Variants in POC1A observed in about 807,000 individuals in gnomAD.
POC1A encodes POC1 centriolar protein homolog A.
A neutral mutation model predicts 47.8 loss-of-function variants in POC1A; 34 were observed. The observed-to-expected ratio is 0.71, with a 90% CI of 0.54 to 0.95. The LOEUF is 0.95. Among genes scored for constraint, POC1A ranks in the 40% least tolerant of loss-of-function variants. POC1A has a pLI of 0.00. For synonymous variants in POC1A, 177 were observed against 207.6 expected, an observed-to-expected ratio of 0.85 and a Z score of 1.27; for missense variants, 466 against 528.3, an observed-to-expected ratio of 0.88 and a Z score of 1.16.
chr3:52,079,906 C>G lies in POC1A; in HGVS notation c.1126-3921G>C, dbSNP rs1702229568. On this transcript the variant is annotated intron_variant, in intron 10 of 10. Coordinates refer to ENST00000296484, the MANE Select transcript of POC1A (RefSeq NM_015426.5). The surrounding 1 kb of genome is among the most constrained non-coding windows in gnomAD (Gnocchi z 4.6). ...TCATTCCCTTTCCTTGGACCTGGTG[C>G]TACCCTGGGAACATTCTTAAGTCCT... 6.6e-6 allele frequency among the ~76,000 whole-genome samples: 1 copy of G among 152,168 alleles called. No individual in the cohort carries two copies. Among genetic ancestry groups the G allele is most frequent in the Non-Finnish European group, 1.5e-5 (1 of 68,024 alleles).
intron 9 of POC1A, among the ~76,000 whole-genome samples, chr3:52,118,168 C>T (rs1219254484): frequency 1.3e-5 from 2 of 152,184 alleles, no homozygotes; most frequent in African/African-American, 4.8e-5. Flanking sequence ...CTCTTCCAAC[C>T]TTCCCCCAGC....
intron 9 of POC1A, among the ~76,000 whole-genome samples, chr3:52,101,919 TG>T (rs1320731070): frequency 6.6e-6 from 1 of 152,252 alleles, no homozygotes; most frequent in Non-Finnish European, 1.5e-5. Context: ...AACTTTGGGT[TG>T]GCAGTTTTTC....
chr3:52,125,216 G>A, intron 7 of POC1A, 35 bp from the exon 8 acceptor site: 5 of 1,517,956 alleles, frequency 3.3e-6, no homozygotes, highest in Middle Eastern at 1.7e-4. Flanking sequence ...ACACATCAAA[G>A]GTCATTCTCC....
intron 10 of POC1A, among the ~76,000 whole-genome samples, chr3:52,082,353 G>A (rs1438719735): frequency 6.6e-6 from 1 of 152,186 alleles, no homozygotes; most frequent in Admixed American, 6.5e-5. Flanking sequence ...GCCCAACCCA[G>A]GTGACCCAAC....
chr3:52,150,065 G>A (rs1698508407), intron 2 of POC1A, 78 bp from the exon 3 acceptor site: 1 of 1,266,046 alleles, frequency 7.9e-7, no homozygotes, highest in South Asian at 1.3e-5. Context: ...AGAGGCAGGG[G>A]GAGCAACTGG....
At chr3:52,144,815 A>AC (rs1698312917) in intron 6 of POC1A, among the ~76,000 whole-genome samples, 1 of 152,110 alleles carries the variant, frequency 6.6e-6, no homozygotes, top group African/African-American at 2.4e-5. Flanking sequence ...CACCTCTGTT[A>AC]CCCCAAAGAA....
chr3:52,094,381 G>A (rs1342626955), intron 10 of POC1A, among the ~76,000 whole-genome samples: 2 of 152,256 alleles, frequency 1.3e-5, no homozygotes, highest in African/African-American at 4.8e-5. Context: ...CATCCAGAGC[G>A]GGGCCTGCTG....
Position 52,149,205 on chromosome 3 carries a change from C to T in POC1A, c.455+5G>A, listed in dbSNP as rs768879950. ...CCAAGGGTCTCCAGACAGAACAATG[C>T]TCACTTGGCACAGCGGACCCAGTTG... is the stretch of plus-strand genomic sequence containing the variant. On this transcript the variant is annotated splice_donor_5th_base_variant and intron_variant, in intron 4 of 10. Coordinates refer to ENST00000296484, the MANE Select transcript of POC1A (RefSeq NM_015426.5). 7 of 1,613,782 alleles carry T rather than the reference C, an allele frequency of 4.3e-6. No individual in the cohort carries two copies. The highest frequency in any genetic ancestry group is 1.7e-5 in the Admixed American group (1 of 60,008).
At chr3:52,135,470 G>C (rs1056942975) in intron 7 of POC1A, among the ~76,000 whole-genome samples, 4 of 152,156 alleles carry the variant, frequency 2.6e-5, no homozygotes, top group Non-Finnish European at 5.9e-5. Flanking sequence ...TGCAGCCCCA[G>C]CTTCCCAGGC....
intron 10 of POC1A, among the ~76,000 whole-genome samples, chr3:52,083,551 C>T (rs886529498): frequency 1.1e-4 from 17 of 152,178 alleles, no homozygotes; most frequent in African/African-American, 4.1e-4. Context: ...TTCTCCCTGG[C>T]CTGGTTTTCT....
intron 9 of POC1A, among the ~76,000 whole-genome samples, chr3:52,120,003 C>T (rs1233924804): frequency 1.3e-5 from 2 of 152,140 alleles, no homozygotes; most frequent in Non-Finnish European, 2.9e-5. Context: ...AGCCATAGAA[C>T]CAGTCCCCAG....
intron 1 of POC1A, among the ~76,000 whole-genome samples, chr3:52,151,865 A>T (rs1322263333): frequency 6.6e-6 from 1 of 151,870 alleles, no homozygotes; most frequent in East Asian, 1.9e-4. Context: ...TGCTCCCAAG[A>T]TTCACATGAA....
chr3:52,151,542 C>T (rs537723101), intron 1 of POC1A, among the ~76,000 whole-genome samples: 6 of 146,704 alleles, frequency 4.1e-5, no homozygotes, highest in African/African-American at 1.5e-4. Flanking sequence ...ACCCAGGAGG[C>T]GGAGCTTGCA....
intron 10 of POC1A, among the ~76,000 whole-genome samples, chr3:52,093,570 A>G (rs1159046115): frequency 2.6e-5 from 4 of 152,246 alleles, no homozygotes; most frequent in African/African-American, 7.2e-5. Flanking sequence ...CAAGAGGCCT[A>G]TGAAGTGGGT....
At chr3:52,145,005 A>T (rs964873991) in intron 6 of POC1A, among the ~76,000 whole-genome samples, 2 of 151,838 alleles carry the variant, frequency 1.3e-5, no homozygotes, top group Non-Finnish European at 2.9e-5. Context: ...TCTTCAAACA[A>T]CTCCAGCTCT....
In POC1A at chr3:52,149,895, A is replaced by G; in HGVS notation, c.196T>C (p.Cys66Arg). ...RFTGHKDAVT[C>R]VNFSPSGHLL... is the part of the protein sequence containing the mutation. ...TGTCCCGAAGGAGAGAAGTTCACACAGGTGACGGCATCCTTGTGGCCAGTG... is the reference window on the plus strand; with the variant it reads ...TGTCCCGAAGGAGAGAAGTTCACACGGGTGACGGCATCCTTGTGGCCAGTG... The change falls in exon 3 of 11, where the codon TGT (cysteine) becomes CGT (arginine). Residue 66 changes from cysteine (C) to arginine (R), a missense_variant. Physicochemically the swap from Cys to Arg is radical, Grantham distance 180 (BLOSUM62 -3). Transcript: ENST00000296484. The G allele has an allele frequency of 6.2e-7, 1 of 1,613,952 alleles. No homozygotes were observed.
chr3:52,138,538 G>A (rs145962269), intron 6 of POC1A, among the ~76,000 whole-genome samples: 3 of 152,280 alleles, frequency 2.0e-5, no homozygotes, highest in Middle Eastern at 3.4e-3. Context: ...GAAGACAGGC[G>A]GACAGAAACA....
rs986011833 is a variant in POC1A at position 52,149,912 on chromosome 3, T to C, written c.179A>G (p.His60Arg). Residue 60 changes from histidine (H) to arginine (R), a missense_variant, in exon 3 of 11, where the codon CAC becomes CGC. His to Arg is a conservative substitution (Grantham distance 29, BLOSUM62 0). Transcript: ENST00000296484. ...GTTCACACAGGTGACGGCATCCTTG[T>C]GGCCAGTGAAGCGGTAGGCGCGTGA... ...PQSRAYRFTG[H>R]KDAVTCVNFS... 6.2e-7 allele frequency: 1 copy of C among 1,613,980 alleles called. No individual in the cohort carries two copies. The highest frequency in any genetic ancestry group is 8.5e-7 in the Non-Finnish European group (1 of 1,180,030).
At chr3:52,153,631 G>A (rs1698625758) in intron 1 of POC1A, among the ~76,000 whole-genome samples, 1 of 152,224 alleles carries the variant, frequency 6.6e-6, no homozygotes, top group Admixed American at 6.5e-5. Context: ...AGGTCCCATG[G>A]TATCTCTCAA....
Sources: gnomAD v4.1 joint callset for allele counts (sites outside exome capture counted in the v4.1 genomes callset) on GRCh38, gnomAD v4.1.1 for gene constraint, Gnocchi (gnomAD v3.1) non-coding constraint, MANE v1.5 for transcripts, NCBI Gene and HGNC (gene_info 2026-07-23, HGNC 2026-07-21) for gene names.